Variants in CNTN4 observed in about 807,000 individuals in gnomAD.
CNTN4 encodes contactin 4.
A neutral mutation model predicts 122.5 loss-of-function variants in CNTN4; 77 were observed. The ratio of observed to expected loss-of-function variants is 0.63; its 90% CI spans 0.52 to 0.76. The LOEUF (loss-of-function observed/expected upper bound fraction) is 0.76, where lower values mean the gene tolerates loss of function less well. CNTN4 is among the 30% of genes least tolerant of loss of function. The probability of loss-of-function intolerance (pLI) is 0.00; values close to 1 mark genes in which losing one functional copy is unlikely to be tolerated. For synonymous variants in CNTN4, 512 were observed against 447.0 expected (o/e 1.15, Z -1.83); for missense variants, 1,256 against 1,259.1 (o/e 1.00, Z 0.04).
chr3:2,903,245 T>G (rs1179592374), intron 12 of CNTN4, among the ~76,000 whole-genome samples: 2 of 152,220 alleles, frequency 1.3e-5, no homozygotes, highest in African/African-American at 4.8e-5. Context: ...CACTCATTTT[T>G]ATTCCTCTAT....
At chr3:2,745,825 T>C in intron 6 of CNTN4, 128 bp downstream of exon 6, 1 of 827,204 alleles carries the variant, frequency 1.2e-6, no homozygotes, top group Non-Finnish European at 2.0e-6. Context: ...CTTTACTCTT[T>C]TTCACATTTT....
chr3:2,617,239 C>T lies in CNTN4; in HGVS notation c.55+45681C>T, dbSNP rs560184682. On this transcript the variant is annotated intron_variant, in intron 4 of 24. Transcript: ENST00000418658. The stretch of plus-strand genomic sequence containing the variant: ...ACGGGAGAAAATTTTTGCAATCTAC[C>T]CATGTGACAAAGGCCTAATATTCAG... Among the ~76,000 whole-genome samples, 156 of 151,928 alleles carry T rather than the reference C, an allele frequency of 1.0e-3. 1 individual carries two copies. Among genetic ancestry groups the T allele is most frequent in the African/African-American group, 2.9e-3 (119 of 41,412 alleles).
At chr3:2,433,486 G>GTT (rs141775000) in intron 3 of CNTN4, among the ~76,000 whole-genome samples, 4 of 151,840 alleles carry the variant, frequency 2.6e-5, no homozygotes, top group African/African-American at 4.8e-5. Context: ...TTATTTGTGG[G>GTT]TTTTTTTGCT....
intron 6 of CNTN4, among the ~76,000 whole-genome samples, chr3:2,780,988 A>G (rs2091545465): frequency 6.6e-6 from 1 of 152,190 alleles, no homozygotes; most frequent in Admixed American, 6.5e-5. Context: ...TGTTCTGGGA[A>G]CTCTAGGAAA....
chr3:2,484,639 A>G (rs558534655), intron 3 of CNTN4, among the ~76,000 whole-genome samples: 1 of 152,216 alleles, frequency 6.6e-6, no homozygotes, highest in Admixed American at 6.5e-5. Flanking sequence ...GGCTGTGTCA[A>G]CGGCTACAAG....
At chr3:2,883,076 A>G in intron 8 of CNTN4, 69 bp from the exon 9 acceptor site, 1 of 1,116,340 alleles carries the variant, frequency 9.0e-7, no homozygotes, top group Non-Finnish European at 1.3e-6. Context: ...GCATTAACAG[A>G]AAAATGAGTT....
intron 4 of CNTN4, among the ~76,000 whole-genome samples, chr3:2,579,908 T>C (rs2079859061): frequency 6.6e-6 from 1 of 152,176 alleles, no homozygotes; most frequent in Admixed American, 6.6e-5. Context: ...AGAACATTAG[T>C]TTCTGGCCAT....
At chr3:2,105,372 A>C (rs13319391) in intron 2 of CNTN4, among the ~76,000 whole-genome samples, 9 of 152,208 alleles carry the variant, frequency 5.9e-5, no homozygotes, top group Non-Finnish European at 1.2e-4. Context: ...ATATTAGTCT[A>C]TTCTCACACT....
chr3:2,135,344 T>C (rs2034638994), intron 2 of CNTN4, among the ~76,000 whole-genome samples: 1 of 152,140 alleles, frequency 6.6e-6, no homozygotes, highest in Admixed American at 6.5e-5. Context: ...TTATGTAAAA[T>C]ACGAGTACTA....
chr3:2,230,292 G>A (rs2039435939), intron 2 of CNTN4, among the ~76,000 whole-genome samples: 1 of 152,170 alleles, frequency 6.6e-6, no homozygotes, highest in Non-Finnish European at 1.5e-5. Flanking sequence ...GCCATAGTGT[G>A]TACAACCAGA....
chr3:2,219,831 C>T (rs751788075), intron 2 of CNTN4, among the ~76,000 whole-genome samples: 3 of 151,960 alleles, frequency 2.0e-5, no homozygotes, highest in Non-Finnish European at 4.4e-5. Context: ...GCATTTTTTT[C>T]AGAAATATAG....
intron 3 of CNTN4, among the ~76,000 whole-genome samples, chr3:2,469,745 T>TAG (rs1228379663): frequency 6.6e-6 from 1 of 152,170 alleles, no homozygotes; most frequent in African/African-American, 2.4e-5. Flanking sequence ...CATTGTTTCA[T>TAG]ATATATGGGT....
At chr3:2,667,621 T>G (rs1286601840) in intron 4 of CNTN4, among the ~76,000 whole-genome samples, 1 of 149,466 alleles carries the variant, frequency 6.7e-6, no homozygotes, top group East Asian at 2.0e-4. Flanking sequence ...CAATTTTGGC[T>G]TTTGTTGCCA....
rs539227477 is a variant in CNTN4 at position 2,101,605 on chromosome 3, A to G, written c.-145+966A>G. Among the ~76,000 whole-genome samples the G allele has an allele frequency of 2.0e-5, 3 of 152,220 alleles. No homozygotes were observed. The South Asian group carries it at 6.2e-4, about 32-fold the overall frequency. ...CCCTGTAATGCTATGTTTTAAGCCT[A>G]GTGAAGGAGGCAAGGAGGCAGGATT... is the stretch of plus-strand genomic sequence containing the variant. On this transcript the variant is annotated intron_variant, in intron 2 of 24. Transcript: ENST00000418658.
At chr3:2,302,949 A>G (rs958999119) in intron 2 of CNTN4, among the ~76,000 whole-genome samples, 56 of 152,224 alleles carry the variant, frequency 3.7e-4, no homozygotes, top group African/African-American at 1.3e-3. Flanking sequence ...GTTTTGTATA[A>G]TGGTGGAGCC....
At chr3:2,823,375 G>A (rs1294305125) in intron 7 of CNTN4, among the ~76,000 whole-genome samples, 1 of 152,198 alleles carries the variant, frequency 6.6e-6, no homozygotes. Flanking sequence ...TAGGGTAGCA[G>A]AGAAATGAGC....
At chr3:2,616,088 A>C (rs1363991337) in intron 4 of CNTN4, among the ~76,000 whole-genome samples, 1 of 149,664 alleles carries the variant, frequency 6.7e-6, no homozygotes, top group Non-Finnish European at 1.5e-5. Context: ...ACATAGGTAT[A>C]TGTGTGCCAT....
chr3:2,962,010 T>C lies in CNTN4; in HGVS notation c.1359-26335T>C, dbSNP rs145911477. ...GGGGAAAATAGACTTGTCAAAAACA[T>C]GTCAAAGACAATTACATTTGAAATT... On this transcript the variant is annotated intron_variant, in intron 13 of 24. Transcript: ENST00000418658. 6.3e-3 allele frequency among the ~76,000 whole-genome samples: 952 copies of C among 152,316 alleles called. 10 individuals are homozygous for C. The highest frequency in any genetic ancestry group is 0.022 in the African/African-American group (908 of 41,572).
chr3:2,962,009 A>G (rs913247874), intron 13 of CNTN4, among the ~76,000 whole-genome samples: 15 of 152,234 alleles, frequency 9.9e-5, no homozygotes, highest in Admixed American at 2.6e-4. Context: ...TGTCAAAAAC[A>G]TGTCAAAGAC....
Sources: gnomAD v4.1 joint callset for allele counts (sites outside exome capture counted in the v4.1 genomes callset) on GRCh38, gnomAD v4.1.1 for gene constraint, MANE v1.5 for transcripts, NCBI Gene and HGNC (gene_info 2026-07-23, HGNC 2026-07-21) for gene names.